The following MRPS9 variants were observed in gnomAD, a reference collection of about 807,000 sequenced individuals.
MRPS9 encodes the protein mitochondrial ribosomal protein S9, also known as small ribosomal subunit protein uS9m.
In MRPS9, 45 loss-of-function variants were observed where a neutral mutation model predicts 59.9. That is an observed-to-expected ratio of 0.75 (90% confidence interval 0.59 to 0.96). The LOEUF (loss-of-function observed/expected upper bound fraction) is 0.96, where lower values mean the gene tolerates loss of function less well. MRPS9 is among the 40% of genes least tolerant of loss of function. MRPS9 has a pLI of 0.00. For missense variants in MRPS9, 473 were observed against 481.1 expected, an observed-to-expected ratio of 0.98 and a Z score of 0.16; for synonymous variants, 171 against 166.8, an observed-to-expected ratio of 1.03 and a Z score of -0.19.
chr2:105,050,320 A>C (rs755704974), intron 2 of MRPS9, among the ~76,000 whole-genome samples: 1 of 152,094 alleles, frequency 6.6e-6, no homozygotes, highest in Non-Finnish European at 1.5e-5. Flanking sequence ...TTGTATTTTT[A>C]GTACAGATGG....
intron 4 of MRPS9, among the ~76,000 whole-genome samples, chr2:105,078,250 T>C (rs1273413154): frequency 6.6e-6 from 1 of 151,932 alleles, no homozygotes; most frequent in Non-Finnish European, 1.5e-5. Flanking sequence ...TCTCTTTCTT[T>C]GTGATATATA....
At chr2:105,075,024 G>A (rs1680180871) in intron 4 of MRPS9, among the ~76,000 whole-genome samples, 1 of 152,130 alleles carries the variant, frequency 6.6e-6, no homozygotes, top group East Asian at 1.9e-4. Flanking sequence ...TTGTTTTTCT[G>A]CAACTACATT....
chr2:105,038,277 TG>T, intron 1 of MRPS9, 50 bp downstream of exon 1: 1 of 1,580,530 alleles, frequency 6.3e-7, no homozygotes, highest in Non-Finnish European at 8.6e-7. Flanking sequence ...CGCGAGGATG[TG>T]GAGCCAGCGC....
intron 6 of MRPS9, 57 bp from the exon 7 acceptor site, chr2:105,089,863 G>A: frequency 8.4e-7 from 1 of 1,197,102 alleles, no homozygotes; most frequent in Non-Finnish European, 1.2e-6. Context: ...GATCTTTTGT[G>A]ATATAACTCT....
intron 9 of MRPS9, among the ~76,000 whole-genome samples, chr2:105,096,162 G>C (rs1359725805): frequency 3.3e-5 from 5 of 151,964 alleles, no homozygotes; most frequent in Non-Finnish European, 7.3e-5. Flanking sequence ...GCTTTTGAAA[G>C]TCATCTTTTG....
At chr2:105,077,647 G>T (rs1207712215) in intron 4 of MRPS9, among the ~76,000 whole-genome samples, 1 of 152,208 alleles carries the variant, frequency 6.6e-6, no homozygotes, top group Non-Finnish European at 1.5e-5. Flanking sequence ...TTTAACATGT[G>T]ATCTGGGAAG....
chr2:105,051,151 TTTC>T (rs746560293), intron 2 of MRPS9, among the ~76,000 whole-genome samples: 5 of 152,320 alleles, frequency 3.3e-5, no homozygotes, highest in Admixed American at 2.0e-4. Flanking sequence ...ACCCTTATAT[TTTC>T]TTCTTCTAGT....
intron 2 of MRPS9, 103 bp from the exon 3 acceptor site, chr2:105,071,210 G>T: frequency 1.2e-6 from 1 of 839,724 alleles, no homozygotes; most frequent in Non-Finnish European, 1.9e-6. Context: ...ATAATGCTTT[G>T]AAACTCTAGT....
chr2:105,038,370 G>C, intron 1 of MRPS9, 143 bp downstream of exon 1: 7 of 1,132,054 alleles, frequency 6.2e-6, no homozygotes, highest in Non-Finnish European at 8.6e-6. Flanking sequence ...TGAGGTTGGG[G>C]GGGAGGAGGT....
At chr2:105,083,009 A>T (rs1038431071) in intron 5 of MRPS9, among the ~76,000 whole-genome samples, 38 of 152,206 alleles carry the variant, frequency 2.5e-4, no homozygotes, top group African/African-American at 9.2e-4. Flanking sequence ...CCATGAAGGG[A>T]TCCCCTGCAT....
intron 5 of MRPS9, among the ~76,000 whole-genome samples, chr2:105,081,431 C>G (rs968750269): frequency 3.9e-5 from 6 of 152,344 alleles, no homozygotes; most frequent in Admixed American, 3.9e-4. Context: ...TCTCTTCCTG[C>G]CTTCTGCCTT....
At chr2:105,084,625 A>G (rs982300615) in intron 5 of MRPS9, among the ~76,000 whole-genome samples, 2 of 152,192 alleles carry the variant, frequency 1.3e-5, no homozygotes, top group Admixed American at 6.6e-5. Flanking sequence ...TTTAAAAATT[A>G]AGATAGTGAC....
At chr2:105,050,521 A>G (rs1248010759) in intron 2 of MRPS9, among the ~76,000 whole-genome samples, 1 of 152,130 alleles carries the variant, frequency 6.6e-6, no homozygotes, top group Non-Finnish European at 1.5e-5. Context: ...TTTGAGTTTT[A>G]TGGTAATCTG....
Position 105,092,530 on chromosome 2 carries a change from C to G in MRPS9, c.781C>G (p.Gln261Glu), listed in dbSNP as rs1680580421. ...AAAAAAACAGCTGATTGAACCTGTA[C>G]AGTATGATGAGCAAGGAATGGCCTT... The part of the protein sequence containing the change: ...ESKKQLIEPV[Q>E]YDEQGMAFSK... The change falls in exon 8 of 11, where the codon CAG (glutamine) becomes GAG (glutamate). Residue 261 changes from glutamine (Q) to glutamate (E), a missense_variant. Coordinates refer to ENST00000258455, the MANE Select transcript of MRPS9 (RefSeq NM_182640.3). The G allele has an allele frequency of 6.2e-7, 1 of 1,611,150 alleles. No homozygotes were observed. The highest frequency in any genetic ancestry group is 8.5e-7 in the Non-Finnish European group (1 of 1,179,252).
chr2:105,058,558 A>T (rs1051997718), intron 2 of MRPS9, among the ~76,000 whole-genome samples: 1 of 152,002 alleles, frequency 6.6e-6, no homozygotes, highest in African/African-American at 2.4e-5. Flanking sequence ...ACCTTACTCC[A>T]TTTCTTATTT....
chr2:105,049,861 G>A (rs1486280382), intron 2 of MRPS9, among the ~76,000 whole-genome samples: 1 of 152,114 alleles, frequency 6.6e-6, no homozygotes, highest in East Asian at 1.9e-4. Flanking sequence ...AGACATCCTA[G>A]AGTAGCTAGC....
intron 1 of MRPS9, among the ~76,000 whole-genome samples, chr2:105,046,979 A>T (rs1012732039): frequency 4.6e-5 from 7 of 151,966 alleles, no homozygotes; most frequent in Non-Finnish European, 2.9e-5. Context: ...GAAGACGTAG[A>T]CTCATAAAGA....
At chr2:105,039,395 A>G (rs1214706586) in intron 1 of MRPS9, among the ~76,000 whole-genome samples, 2 of 150,334 alleles carry the variant, frequency 1.3e-5, no homozygotes, top group Admixed American at 1.3e-4. Context: ...TATCTTTGCT[A>G]CATACGCATG....
At chr2:105,062,148 ACACT>A (rs1347646070) in intron 2 of MRPS9, among the ~76,000 whole-genome samples, 1 of 151,982 alleles carries the variant, frequency 6.6e-6, no homozygotes, top group Non-Finnish European at 1.5e-5. Flanking sequence ...ACACACACAC[ACACT>A]CTCTCTGTCT....
Sources: allele counts gnomAD v4.1 joint callset (sites outside exome capture counted in the v4.1 genomes callset), GRCh38; gene constraint gnomAD v4.1.1; transcripts MANE v1.5; gene names NCBI Gene and HGNC (gene_info 2026-07-23, HGNC 2026-07-21).